The following INSL6 variants were observed in gnomAD, a reference collection of about 807,000 sequenced individuals.
INSL6 encodes the protein insulin like 6, also known as insulin-like peptide INSL6.
INSL6 carries 16 observed loss-of-function variants against 9.4 expected under a neutral mutation model. That is an observed-to-expected ratio of 1.70 (90% CI 1.15 to 2.59). The LOEUF (loss-of-function observed/expected upper bound fraction) is 2.59. INSL6 is among the 30% of genes most tolerant of loss of function. The pLI, the probability that INSL6 is intolerant of heterozygous loss-of-function variation, is 0.00. For synonymous variants in INSL6, 154 were observed against 96.9 expected, an observed-to-expected ratio of 1.59 and a Z score of -3.46; for missense variants, 391 against 257.3, an observed-to-expected ratio of 1.52 and a Z score of -3.56.
intron 2 of INSL6, among the ~76,000 whole-genome samples, chr9:5,134,496 T>G (rs750027963): frequency 6.6e-6 from 1 of 152,202 alleles, no homozygotes; most frequent in Non-Finnish European, 1.5e-5. Context: ...CGGATCTCTC[T>G]GCAGAAACCC....
At chr9:5,122,946 A>G, downstream of INSL6, 1 of 1,060,404 alleles carries the variant, frequency 9.4e-7, no homozygotes, top group Non-Finnish European at 1.4e-6. Flanking sequence ...TTTGCAGGTA[A>G]AATCAAGAGT....
At chr9:5,033,312 C>T in the INSL6 span, among the ~76,000 whole-genome samples, 2 of 152,166 alleles carry the variant, frequency 1.3e-5, no homozygotes, top group African/African-American at 4.8e-5. Context: ...TTGGAAAACA[C>T]TCTGCAGGAT....
At chr9:5,116,113 C>T in the INSL6 span, among the ~76,000 whole-genome samples, 1 of 151,862 alleles carries the variant, frequency 6.6e-6, no homozygotes, top group African/African-American at 2.4e-5. Flanking sequence ...GGGCTAAATG[C>T]ATTTTATGGA....
chr9:5,069,831 TTA>T, the INSL6 span: 1 of 675,882 alleles, frequency 1.5e-6, no homozygotes, highest in South Asian at 4.2e-5. Context: ...TAAGCATTTC[TTA>T]TACGTAGAAC....
intron 1 of INSL6, among the ~76,000 whole-genome samples, chr9:5,178,292 G>C (rs1408699847): frequency 1.3e-5 from 2 of 151,658 alleles, no homozygotes; most frequent in African/African-American, 4.8e-5. Context: ...CCCTAGGACT[G>C]AGCTCCTAGG....
At chr9:5,032,218 C>G in the INSL6 span, among the ~76,000 whole-genome samples, 1 of 152,204 alleles carries the variant, frequency 6.6e-6, no homozygotes, top group African/African-American at 2.4e-5. Flanking sequence ...CCCGCCATTG[C>G]CGAGGGTTGA....
At chr9:5,001,178 A>G in the INSL6 span, among the ~76,000 whole-genome samples, 2 of 152,070 alleles carry the variant, frequency 1.3e-5, no homozygotes, top group African/African-American at 2.4e-5. Flanking sequence ...TTCAATCTCT[A>G]TGTCTTTTAT....
chr9:5,100,468 G>A, the INSL6 span: 1 of 152,128 alleles, frequency 6.6e-6, no homozygotes, highest in Non-Finnish European at 1.5e-5. Context: ...GTCCAAAAAG[G>A]CCTCCAATAT....
intron 3 of INSL6, among the ~76,000 whole-genome samples, chr9:5,129,275 G>T (rs914928611): frequency 6.6e-6 from 1 of 152,046 alleles, no homozygotes; most frequent in African/African-American, 2.4e-5. Context: ...AAATAGTGAT[G>T]TAGTAAATAT....
At chr9:5,176,348 G>A (rs184391222) in intron 1 of INSL6, among the ~76,000 whole-genome samples, 1 of 152,056 alleles carries the variant, frequency 6.6e-6, no homozygotes, top group East Asian at 1.9e-4. Flanking sequence ...CCCTTATCCT[G>A]TTTCATTTTT....
chr9:5,037,081 T>G, the INSL6 span, among the ~76,000 whole-genome samples: 1 of 152,056 alleles, frequency 6.6e-6, no homozygotes, highest in African/African-American at 2.4e-5. Flanking sequence ...AAGAAGACAT[T>G]TATGCAGCCA....
chr9:5,167,036 C>T (rs1034397383), intron 1 of INSL6, among the ~76,000 whole-genome samples: 1 of 152,034 alleles, frequency 6.6e-6, no homozygotes, highest in African/African-American at 2.4e-5. Context: ...GTGGATTCTG[C>T]ATCTTCAATT....
chr9:5,027,831 C>T, the INSL6 span, among the ~76,000 whole-genome samples: 4 of 152,178 alleles, frequency 2.6e-5, no homozygotes, highest in African/African-American at 9.7e-5. Flanking sequence ...CAAGTTTTAT[C>T]GTGAGATTAC....
intron 1 of INSL6, among the ~76,000 whole-genome samples, chr9:5,169,558 A>C (rs1825133641): frequency 6.6e-6 from 1 of 152,196 alleles, no homozygotes; most frequent in Non-Finnish European, 1.5e-5. Flanking sequence ...CTAATCCCCA[A>C]TTAAAAGACA....
the INSL6 span, among the ~76,000 whole-genome samples, chr9:5,106,528 G>T: frequency 6.6e-6 from 1 of 152,160 alleles, no homozygotes. Flanking sequence ...AATACCATTT[G>T]ACCCAGCCAT....
In INSL6 at chr9:5,164,195, CT is replaced by C; in HGVS notation, c.359del (p.Lys120ArgfsTer39). On this transcript the variant is annotated frameshift_variant, in exon 2 of 2. Transcript: ENST00000381641. LOFTEE classifies it low-confidence loss of function (END_TRUNC). ...TTGTCTTACCAAGGGGTGAATATCCCTTTTTATCCTTATACTCAGGTAGTGA... is the reference window on the plus strand; with the variant it reads ...TTGTCTTACCAAGGGGTGAATATCCCTTTTATCCTTATACTCAGGTAGTGA... ...MQSLPEYKDK[K>X]GYSPLGKTRE... 1 of 1,606,842 alleles carries C rather than the reference CT, an allele frequency of 6.2e-7. No homozygotes were observed. Among genetic ancestry groups the C allele is most frequent in the Non-Finnish European group, 8.5e-7 (1 of 1,177,436 alleles).
downstream of INSL6, among the ~76,000 whole-genome samples, chr9:5,120,827 C>G (rs575240778): frequency 3.8e-4 from 58 of 152,160 alleles, no homozygotes; most frequent in African/African-American, 1.3e-3. Flanking sequence ...TTAAGATTTT[C>G]AAATTGAGCA....
At chr9:5,004,791 G>C in the INSL6 span, among the ~76,000 whole-genome samples, 1 of 151,878 alleles carries the variant, frequency 6.6e-6, no homozygotes, top group African/African-American at 2.4e-5. Context: ...ACCAATGCTT[G>C]TTATCCTTAT....
At chr9:5,153,895 G>T (rs144113484) in intron 2 of INSL6, among the ~76,000 whole-genome samples, 1 of 152,242 alleles carries the variant, frequency 6.6e-6, no homozygotes, top group East Asian at 1.9e-4. Flanking sequence ...TGGCCATACT[G>T]CCCAAAGTAA....
Sources: gnomAD v4.1 joint callset for allele counts (sites outside exome capture counted in the v4.1 genomes callset) on GRCh38, gnomAD v4.1.1 for gene constraint, MANE v1.5 for transcripts, NCBI Gene and HGNC (gene_info 2026-07-23, HGNC 2026-07-21) for gene names.